Variants in ZSWIM2 observed in about 807,000 individuals in gnomAD.
ZSWIM2 encodes the protein E3 ubiquitin-protein ligase ZSWIM2.
ZSWIM2 carries 38 observed loss-of-function variants against 48.4 expected under a neutral mutation model. The observed-to-expected ratio is 0.79, with a 90% CI of 0.61 to 1.03. The LOEUF is 1.03. ZSWIM2 is among the 50% of genes least tolerant of loss of function. The probability of loss-of-function intolerance (pLI) is 0.00; values close to 1 mark genes in which losing one functional copy is unlikely to be tolerated. For missense variants in ZSWIM2, 776 were observed against 730.2 expected (o/e 1.06, Z -0.72); for synonymous variants, 240 against 251.3 (o/e 0.96, Z 0.42).
chr2:186,844,719 T>A lies in ZSWIM2; in HGVS notation c.281A>T (p.Glu94Val). The change falls in exon 3 of 9, where the codon GAA (glutamate) becomes GTA (valine). Residue 94 changes from glutamate (E) to valine (V), a missense_variant and splice_region_variant. Physicochemically the swap from Glu to Val is moderately radical, Grantham distance 121. Transcript: ENST00000295131. Reference protein sequence around the residue: ...LKKFKLPRNHESALQLGLGER... With the variant: ...LKKFKLPRNHVSALQLGLGER... The stretch of plus-strand genomic sequence containing the variant: ...AAAACCCAAACCCCAAAACTTACAT[T>A]CATGGTTCCTTGGAAGCTTGAATTT... 6.4e-7 allele frequency: 1 copy of A among 1,557,124 alleles called. No homozygotes were observed. The highest frequency in any genetic ancestry group is 8.6e-7 in the Non-Finnish European group (1 of 1,158,330).
In ZSWIM2 at chr2:186,839,183, C is replaced by A. The variant is rs752820151; in HGVS notation, c.284-14G>T. ...GTTGTAAAGCAGCTAGTGAGAAATCCCAAAGTATTAAAATCCAGTCATAAA... is the reference window on the plus strand; with the variant it reads ...GTTGTAAAGCAGCTAGTGAGAAATCACAAAGTATTAAAATCCAGTCATAAA... On this transcript the variant is annotated splice_polypyrimidine_tract_variant and intron_variant, in intron 3 of 8. Coordinates refer to ENST00000295131, the MANE Select transcript of ZSWIM2 (RefSeq NM_182521.3). The A allele has an allele frequency of 6.8e-6, 11 of 1,608,154 alleles. No individual in the cohort carries two copies. The South Asian group carries it at 1.2e-4, about 18-fold the overall frequency.
intron 3 of ZSWIM2, among the ~76,000 whole-genome samples, chr2:186,843,696 A>C (rs932068191): frequency 1.3e-5 from 2 of 151,554 alleles, no homozygotes; most frequent in African/African-American, 4.8e-5. Flanking sequence ...AGTATTTAAG[A>C]TGCCCATGGG....
chr2:186,832,419 G>A (rs1490674427), intron 7 of ZSWIM2, among the ~76,000 whole-genome samples: 10 of 152,050 alleles, frequency 6.6e-5, no homozygotes, highest in Admixed American at 6.6e-4. Flanking sequence ...ACAGCGCCCG[G>A]CCTAAATTTT....
Position 186,828,733 on chromosome 2 carries a change from C to T in ZSWIM2, c.1153G>A (p.Asp385Asn). The T allele has an allele frequency of 6.2e-7, 1 of 1,607,018 alleles. No homozygotes were observed. Among genetic ancestry groups the T allele is most frequent in the South Asian group, 1.1e-5 (1 of 90,148 alleles). The change falls in exon 9 of 9, where the codon GAT becomes AAT. Residue 385 changes from aspartate (D) to asparagine (N), a missense_variant. Transcript: ENST00000295131. ...LFHKCNSCPI[D>N]GQVIYNPLTW... The stretch of plus-strand genomic sequence containing the variant: ...AAAGGGTTATATATAACTTGTCCAT[C>T]AATAGGGCATGAATTGCACTTGTGG...
At position 186,834,024 on chromosome 2, in the gene ZSWIM2, G is replaced by A. The variant is rs7559533; in HGVS notation, c.750C>T (p.Thr250=). Residue 250 remains threonine (T), a synonymous_variant, in exon 6 of 9, where the codon ACC becomes ACT. Coordinates refer to ENST00000295131, the MANE Select transcript of ZSWIM2 (RefSeq NM_182521.3). ...FPIEGKCYKC[T]ECIEYHLCQE... is the part of the protein sequence containing the mutation. ...GGCATAAGTGATATTCTATGCATTC[G>A]GTACACCTAAAAATACAAAACATCA... 0.28 allele frequency: 442,074 copies of A among 1,603,956 alleles called. 63,591 individuals carry two copies. The highest frequency in any genetic ancestry group is 0.3 in the South Asian group (27,395 of 90,646).
chr2:186,848,413 A>C (rs900132529), intron 1 of ZSWIM2, among the ~76,000 whole-genome samples: 1 of 152,212 alleles, frequency 6.6e-6, no homozygotes, highest in African/African-American at 2.4e-5. Flanking sequence ...TAAGGATGGG[A>C]TATGCAATTA....
At chr2:186,847,165 A>G (rs1692019743) in intron 2 of ZSWIM2, among the ~76,000 whole-genome samples, 1 of 151,942 alleles carries the variant, frequency 6.6e-6, no homozygotes, top group Admixed American at 6.6e-5. Context: ...TTTTTATAAA[A>G]AATAAATAAC....
At chr2:186,844,543 T>C (rs777334282) in intron 3 of ZSWIM2, among the ~76,000 whole-genome samples, 174 bp downstream of exon 3, 5 of 151,444 alleles carry the variant, frequency 3.3e-5, no homozygotes, top group African/African-American at 7.2e-5. Context: ...TTTTTAAAGA[T>C]GAAAAATGTT....
chr2:186,847,777 G>C lies in ZSWIM2; in HGVS notation c.184C>G (p.His62Asp), dbSNP rs1307110765. Residue 62 changes from histidine (H) to aspartate (D), a missense_variant, in exon 2 of 9, where the codon CAC becomes GAC. Transcript: ENST00000295131. ...GGAAATGTGGAACAGTTACAAACGT[G>C]AGGATTTCCTAGAAAAACCTTTAAA... is the stretch of plus-strand genomic sequence containing the variant. The part of the protein sequence containing the change: ...MDFRVFLGNP[H>D]VCNCSTFPKG... 1.0e-5 allele frequency: 16 copies of C among 1,605,734 alleles called. No individual in the cohort carries two copies. Among genetic ancestry groups the C allele is most frequent in the Non-Finnish European group, 1.3e-5 (15 of 1,175,744 alleles).
rs370016617 is a variant in ZSWIM2, at chr2:186,837,629, TTA to T, written c.495-77_495-76del. 8.6e-5 allele frequency: 31 copies of T among 359,350 alleles called. No homozygotes were observed. The East Asian group carries it at 1.7e-3, about 20-fold the overall frequency. The allele number at this position is 359,350 out of a possible 1,614,324, so 22.3% of individuals were successfully genotyped here. On this transcript the variant is annotated intron_variant, in intron 4 of 8. Coordinates refer to ENST00000295131, the MANE Select transcript of ZSWIM2 (RefSeq NM_182521.3). ...TATCCATTGTATATATATATATATA[TTA>T]TATATATATTTATATAAATAAAATT...
chr2:186,831,988 A>G (rs1213473823), intron 7 of ZSWIM2, among the ~76,000 whole-genome samples: 1 of 152,156 alleles, frequency 6.6e-6, no homozygotes, highest in Non-Finnish European at 1.5e-5. Context: ...ACAAACCTGC[A>G]CGTTGTGCAC....
chr2:186,848,868 A>C, intron 1 of ZSWIM2, 98 bp downstream of exon 1: 15 of 1,495,070 alleles, frequency 1.0e-5, no homozygotes, highest in South Asian at 2.4e-5. Context: ...AAGTATCCGC[A>C]GAGATTGTGA....
chr2:186,838,811 T>G (rs1691848913), intron 4 of ZSWIM2, 148 bp downstream of exon 4: 1 of 317,544 alleles, frequency 3.1e-6, no homozygotes, highest in Non-Finnish European at 5.7e-6. Flanking sequence ...GTGTGTGTGT[T>G]AGGAAATAAA....
chr2:186,837,200 T>A, intron 5 of ZSWIM2, 106 bp downstream of exon 5: 2 of 1,189,040 alleles, frequency 1.7e-6, no homozygotes, highest in East Asian at 4.7e-5. Flanking sequence ...TCAAACAGTA[T>A]ATGCAGGAAG....
chr2:186,844,126 T>G (rs552466273), intron 3 of ZSWIM2, among the ~76,000 whole-genome samples: 1 of 151,742 alleles, frequency 6.6e-6, no homozygotes, highest in East Asian at 1.9e-4. Flanking sequence ...GACAGTATCT[T>G]TATTATAAGA....
chr2:186,828,859 C>T lies in ZSWIM2; in HGVS notation c.1096-69G>A, dbSNP rs534003386. On this transcript the variant is annotated intron_variant, in intron 8 of 8. Coordinates refer to ENST00000295131, the MANE Select transcript of ZSWIM2 (RefSeq NM_182521.3). ...TTATAATATTATTCAAGTAAATTTCCCCCAGTTTCATAATTTTATGATTAA... is the reference window on the plus strand; with the variant it reads ...TTATAATATTATTCAAGTAAATTTCTCCCAGTTTCATAATTTTATGATTAA... The T allele has an allele frequency of 3.1e-5, 29 of 929,344 alleles. No homozygotes were observed. The African/African-American group carries it at 4.6e-4, about 15-fold the overall frequency. 57.6% of individuals were successfully genotyped at this position (929,344 alleles called of 1,614,324 possible).
In ZSWIM2 at chr2:186,828,503, G is replaced by C; in HGVS notation, c.1383C>G (p.Ala461=). The part of the protein sequence containing the change: ...ELNTPQSPKD[A]YENTTIDNLC... ...GATTATCTATTGTTGTATTTTCATA[G>C]GCATCTTTTGGGCTTTGAGGTGTAT... is the stretch of plus-strand genomic sequence containing the variant. Residue 461 remains alanine (A), a synonymous_variant, in exon 9 of 9, where the codon GCC becomes GCG. Coordinates refer to ENST00000295131, the MANE Select transcript of ZSWIM2 (RefSeq NM_182521.3). The C allele has an allele frequency of 1.9e-6, 3 of 1,613,274 alleles. No homozygotes were observed. Among genetic ancestry groups the C allele is most frequent in the Non-Finnish European group, 2.5e-6 (3 of 1,179,632 alleles).
chr2:186,838,971 A>T lies in ZSWIM2; in HGVS notation c.482T>A (p.Val161Asp), dbSNP rs1463031165. The change falls in exon 4 of 9, where the codon GTC becomes GAC. Residue 161 changes from valine (V) to aspartate (D), a missense_variant. By Grantham distance (152) the Val-to-Asp change is radical. Transcript: ENST00000295131. Reference sequence around the variant, plus strand: ...AAAAGTACATCACCTGCAAAAGGTGACAGGAAGCTTTTTCTCTAAAAGTAG... The same window carrying T: ...AAAAGTACATCACCTGCAAAAGGTGTCAGGAAGCTTTTTCTCTAAAAGTAG... ...QELLLEKKLP[V>D]TFCRFGCGNS... 2 of 1,607,836 alleles carry T rather than the reference A, an allele frequency of 1.2e-6. No homozygotes were observed.
chr2:186,846,625 C>T (rs546919511), intron 2 of ZSWIM2, among the ~76,000 whole-genome samples: 19 of 151,798 alleles, frequency 1.3e-4, no homozygotes, highest in African/African-American at 4.6e-4. Flanking sequence ...AATCCTATTC[C>T]TGGGTATATG....
Sources: allele counts gnomAD v4.1 joint callset (sites outside exome capture counted in the v4.1 genomes callset), GRCh38; gene constraint gnomAD v4.1.1; transcripts MANE v1.5; gene names NCBI Gene and HGNC (gene_info 2026-07-23, HGNC 2026-07-21).